The following PLEKHG3 variants were observed in gnomAD, a reference collection of about 807,000 sequenced individuals.
PLEKHG3 encodes pleckstrin homology and RhoGEF domain containing G3, also known as pleckstrin homology domain-containing family G member 3.
In PLEKHG3, 62 loss-of-function variants were observed where a neutral mutation model predicts 94.9. That is an observed-to-expected ratio of 0.65 (90% CI 0.53 to 0.81). The LOEUF is 0.81. Ranked by LOEUF, PLEKHG3 falls within the 30% of genes least tolerant of loss-of-function variation. The pLI is 0.00. For missense variants in PLEKHG3, 1,461 were observed against 1,619.3 expected (o/e 0.90, Z 1.68); for synonymous variants, 614 against 654.0 (o/e 0.94, Z 0.93).
intron 1 of PLEKHG3, among the ~76,000 whole-genome samples, chr14:64,712,184 A>G (rs144124064): frequency 7.2e-4 from 110 of 152,252 alleles, no homozygotes; most frequent in African/African-American, 2.6e-3. Flanking sequence ...TCATTGATCT[A>G]TATGTCTGCC....
chr14:64,731,717 TC>T lies in PLEKHG3; in HGVS notation c.1038del (p.Ser347ProfsTer2), dbSNP rs1566706968. 1.2e-6 allele frequency: 2 copies of T among 1,611,742 alleles called. No homozygotes were observed. ...HFVYKGNIPC[S>X]SLMLIESTRD... The stretch of plus-strand genomic sequence containing the variant: ...TGTCCTTTCCCTCTGCCCCTAGTGC[TC>T]CTCCCTGATGCTGATCGAAAGCACC... On this transcript the variant is annotated frameshift_variant, in exon 9 of 17. Transcript: ENST00000247226. LOFTEE classifies it high-confidence loss of function. This position sits in a 1 kb window ranked among gnomAD's most constrained non-coding sequence, Gnocchi z 6.1.
Position 64,743,098 on chromosome 14 carries a change from C to T in PLEKHG3, c.3055C>T (p.Pro1019Ser), listed in dbSNP as rs761109715. ...GTCACCACAGCGTTTCTTCTTCAAC[C>T]CGTCTGCTGTCAGCCAGAGGACCAC... is the stretch of plus-strand genomic sequence containing the variant. ...EMSPQRFFFN[P>S]SAVSQRTTSP... Residue 1019 changes from proline to serine, a missense_variant, in exon 17 of 17, where the codon CCG (proline) becomes TCG (serine). Physicochemically the swap from Pro to Ser is moderately conservative, Grantham distance 74 (BLOSUM62 -1). Around this residue, in one of 3 missense-constraint regions of PLEKHG3, gnomAD observed 1,201 missense variants for 1,295.5 expected, o/e 0.93. Transcript: ENST00000247226. This position sits in a 1 kb window ranked among gnomAD's most constrained non-coding sequence, Gnocchi z 7.2. The T allele has an allele frequency of 3.7e-6, 6 of 1,612,906 alleles. No homozygotes were observed. In the African/African-American group the frequency reaches 8.0e-5, roughly 22 times the overall value.
In PLEKHG3 at chr14:64,717,975, G is replaced by A. The variant is rs1296846820; in HGVS notation, c.-39-9618G>A. On this transcript the variant is annotated intron_variant, in intron 1 of 16. Coordinates refer to ENST00000247226, the MANE Select transcript of PLEKHG3 (RefSeq NM_001308147.2). This position sits in a 1 kb window ranked among gnomAD's most constrained non-coding sequence, Gnocchi z 4.7. The stretch of plus-strand genomic sequence containing the variant: ...GATTCCTTCCATCTGTCCTTGGCCT[G>A]CCTTGCAGCCTGGCCTCTTGTTGCC... 6.6e-6 allele frequency among the ~76,000 whole-genome samples: 1 copy of A among 152,214 alleles called. No individual in the cohort carries two copies. Among genetic ancestry groups the A allele is most frequent in the African/African-American group, 2.4e-5 (1 of 41,454 alleles).
rs1353357791 is a variant in PLEKHG3 at position 64,738,358 on chromosome 14, AT to A, written c.1405-383del. 2.3e-6 allele frequency: 1 copy of A among 439,954 alleles called. No individual in the cohort carries two copies. The highest frequency in any genetic ancestry group is 2.1e-5 in the African/African-American group (1 of 48,726). The allele number at this position is 439,954 out of a possible 1,614,324, so 27.3% of individuals were successfully genotyped here. On this transcript the variant is annotated intron_variant, in intron 14 of 16. Coordinates refer to ENST00000247226, the MANE Select transcript of PLEKHG3 (RefSeq NM_001308147.2). This position sits in a 1 kb window ranked among gnomAD's most constrained non-coding sequence, Gnocchi z 4.8. ...ACTCCTCCCCTCAGCACTTAACACC[AT>A]CGCTCGCTGTCACACCCTGGTGAGC...
rs534308166 is a variant in PLEKHG3 at position 64,729,026 on chromosome 14, G to A, written c.382G>A (p.Gly128Arg). The change falls in exon 3 of 17, where the codon GGG becomes AGG. Residue 128 changes from glycine (G) to arginine (R), a missense_variant. Physicochemically the swap from Gly to Arg is moderately radical, Grantham distance 125. Coordinates refer to ENST00000247226, the MANE Select transcript of PLEKHG3 (RefSeq NM_001308147.2). The stretch of plus-strand genomic sequence containing the variant: ...CCTCTTGAAGATCATTGACACACCC[G>A]GGCTGCTGAAGCCAGAACAGGTCAG... ...DYLLKIIDTPGLLKPEQVSAL... is the reference protein window; with the variant it reads ...DYLLKIIDTPRLLKPEQVSAL... 20 of 1,524,322 alleles carry A rather than the reference G, an allele frequency of 1.3e-5. 1 individual carries two copies. The Admixed American group carries it at 1.6e-4, about 12-fold the overall frequency. The allele number at this position is 1,524,322 out of a possible 1,614,324, so 94.4% of individuals were successfully genotyped here.
intron 1 of PLEKHG3, among the ~76,000 whole-genome samples, chr14:64,711,636 T>G (rs2081067794): frequency 6.6e-6 from 1 of 152,158 alleles, no homozygotes; most frequent in African/African-American, 2.4e-5. Context: ...ATGGTCTCGA[T>G]CTCCTGACCT....
rs933191342 is a variant in PLEKHG3 at position 64,742,324 on chromosome 14, G to A, written c.2807G>A (p.Arg936Gln). ...VYQLARQYSL[R>Q]IKSNKPVMAR... is the part of the protein sequence containing the mutation. ...CAGCTGGCCCGCCAGTACAGCCTCC[G>A]GATCAAGAGCAACAAGCCAGTGATG... Residue 936 changes from arginine (R) to glutamine (Q), a missense_variant, in exon 16 of 17, where the codon CGG becomes CAG. By Grantham distance (43) the Arg-to-Gln change is conservative. Around this residue, in one of 3 missense-constraint regions of PLEKHG3, gnomAD observed 1,201 missense variants for 1,295.5 expected, o/e 0.93. Coordinates refer to ENST00000247226, the MANE Select transcript of PLEKHG3 (RefSeq NM_001308147.2). The A allele has an allele frequency of 1.1e-5, 17 of 1,612,926 alleles. No individual in the cohort carries two copies. Among genetic ancestry groups the A allele is most frequent in the African/African-American group, 6.7e-5 (5 of 74,930 alleles).
At position 64,706,565 on chromosome 14, in the gene PLEKHG3, G is replaced by A. The variant is rs2080974338; in HGVS notation, c.-40+1861G>A. Among the ~76,000 whole-genome samples, 5 of 152,234 alleles carry A rather than the reference G, an allele frequency of 3.3e-5. No individual in the cohort carries two copies. The South Asian group carries it at 1.0e-3, about 32-fold the overall frequency. ...AACTAAAGGGCTCACAGTGGCTCGG[G>A]AGGGAGTCTCCCAAGGGTTTTACAA... On this transcript the variant is annotated intron_variant, in intron 1 of 16. Transcript: ENST00000247226.
chr14:64,707,898 C>A (rs904561758), intron 1 of PLEKHG3, among the ~76,000 whole-genome samples: 1 of 152,206 alleles, frequency 6.6e-6, no homozygotes, highest in African/African-American at 2.4e-5. Flanking sequence ...ATCATACTTA[C>A]CACATGCGGC....
Position 64,722,189 on chromosome 14 carries a change from TC to T in PLEKHG3, c.-39-5402del, listed in dbSNP as rs1320151519. 2.6e-5 allele frequency among the ~76,000 whole-genome samples: 4 copies of T among 152,104 alleles called. No individual in the cohort carries two copies. Among genetic ancestry groups the T allele is most frequent in the African/African-American group, 9.7e-5 (4 of 41,424 alleles). ...CACAGGAGGGCTGCGCCATCGCCGT[TC>T]CTGAGTGAGGACTTTCTTTCTTCCT... On this transcript the variant is annotated intron_variant, in intron 1 of 16. Transcript: ENST00000247226. This position sits in a 1 kb window ranked among gnomAD's most constrained non-coding sequence, Gnocchi z 4.3.
At position 64,731,895 on chromosome 14, in the gene PLEKHG3, G is replaced by A; in HGVS notation, c.1125+89G>A. ...TCCTGGCTCCTCTGCTCACCTAGCT[G>A]CCCCAAGCCCCAGTGTCTCCATCTG... is the stretch of plus-strand genomic sequence containing the variant. On this transcript the variant is annotated intron_variant, in intron 9 of 16. Transcript: ENST00000247226. This position sits in a 1 kb window ranked among gnomAD's most constrained non-coding sequence, Gnocchi z 6.1. 1.0e-6 allele frequency: 1 copy of A among 972,154 alleles called. No individual in the cohort carries two copies. The highest frequency in any genetic ancestry group is 1.6e-6 in the Non-Finnish European group (1 of 613,182). 60.2% of individuals were successfully genotyped at this position (972,154 alleles called of 1,614,324 possible).
chr14:64,732,559 A>T lies in PLEKHG3; in HGVS notation c.1246+99A>T. The T allele has an allele frequency of 3.9e-5, 40 of 1,033,420 alleles. No individual in the cohort carries two copies. Among genetic ancestry groups the T allele is most frequent in the Non-Finnish European group, 5.5e-5 (36 of 654,242 alleles). 64.0% of individuals were successfully genotyped at this position (1,033,420 alleles called of 1,614,324 possible). A position where few individuals can be genotyped will look rare whatever the true frequency, so the allele number is the denominator to read the frequency against. On this transcript the variant is annotated intron_variant, in intron 11 of 16. Coordinates refer to ENST00000247226, the MANE Select transcript of PLEKHG3 (RefSeq NM_001308147.2). The surrounding 1 kb of genome is among the most constrained non-coding windows in gnomAD (Gnocchi z 4.9). ...CTTTACCTGATAATTTTATTCCAGG[A>T]GCAGGGAGGGCGGGGGTCTCCTGTT...
At chr14:64,735,032 G>C (rs898966630) in intron 12 of PLEKHG3, among the ~76,000 whole-genome samples, 40 of 152,110 alleles carry the variant, frequency 2.6e-4, no homozygotes, top group Non-Finnish European at 5.0e-4. Context: ...AGCTGAAATA[G>C]ACATCTTTCT....
rs1566694115 is a variant in PLEKHG3 at position 64,716,494 on chromosome 14, ACAACACACACACAC to A, written c.-39-11098_-39-11085del. Among the ~76,000 whole-genome samples, 7 of 83,210 alleles carry A rather than the reference ACAACACACACACAC, an allele frequency of 8.4e-5. No homozygotes were observed. Among genetic ancestry groups the A allele is most frequent in the African/African-American group, 3.2e-4 (7 of 21,886 alleles). 54.6% of individuals were successfully genotyped at this position (83,210 alleles called of 152,430 possible). A position where few individuals can be genotyped will look rare whatever the true frequency, so the allele number is the denominator to read the frequency against. ...ACACACACACACAACACACACACAC[ACAACACACACACAC>A]ACACACACACACACACACACACACA... is the stretch of plus-strand genomic sequence containing the variant. On this transcript the variant is annotated intron_variant, in intron 1 of 16. Coordinates refer to ENST00000247226, the MANE Select transcript of PLEKHG3 (RefSeq NM_001308147.2). This position sits in a 1 kb window ranked among gnomAD's most constrained non-coding sequence, Gnocchi z 5.0.
Position 64,749,129 on chromosome 14 carries a change from G to T in PLEKHG3, c.*5426G>T. On this transcript the variant is annotated 3_prime_UTR_variant, in exon 17 of 17. Coordinates refer to ENST00000247226, the MANE Select transcript of PLEKHG3 (RefSeq NM_001308147.2). The surrounding 1 kb of genome is among the most constrained non-coding windows in gnomAD (Gnocchi z 4.7). The stretch of plus-strand genomic sequence containing the variant: ...GCGCGGGCGAGGGCATGGAGGGGGC[G>T]TCGGCCCAGGACACGCGGGCGAAGG... 1.5e-6 allele frequency: 1 copy of T among 661,796 alleles called. No homozygotes were observed. The highest frequency in any genetic ancestry group is 2.4e-6 in the Non-Finnish European group (1 of 415,230). The allele number at this position is 661,796 out of a possible 1,614,324, so 41.0% of individuals were successfully genotyped here.
Position 64,741,705 on chromosome 14 carries a change from C to A in PLEKHG3, c.2188C>A (p.His730Asn). 6.2e-7 allele frequency: 1 copy of A among 1,613,102 alleles called. No individual in the cohort carries two copies. The highest frequency in any genetic ancestry group is 1.1e-5 in the South Asian group (1 of 91,080). The change falls in exon 16 of 17, where the codon CAT (histidine) becomes AAT (asparagine). Residue 730 changes from histidine to asparagine, a missense_variant. Coordinates refer to ENST00000247226, the MANE Select transcript of PLEKHG3 (RefSeq NM_001308147.2). Reference protein sequence around the residue: ...IKSYYENAEHHDAGFSVRRRE... With the variant: ...IKSYYENAEHNDAGFSVRRRE... ...GAGCTATTATGAAAATGCAGAACACCATGATGCAGGCTTCAGCGTCCGTCG... is the reference window on the plus strand; with the variant it reads ...GAGCTATTATGAAAATGCAGAACACAATGATGCAGGCTTCAGCGTCCGTCG...
intron 1 of PLEKHG3, among the ~76,000 whole-genome samples, chr14:64,719,565 C>G (rs1193224099): frequency 2.0e-5 from 3 of 152,032 alleles, no homozygotes; most frequent in Non-Finnish European, 4.4e-5. Context: ...TGCCTGACTC[C>G]ACAGCCTGTG....
chr14:64,728,111 C>CTCGTGGAG lies in PLEKHG3; in HGVS notation c.351+129_351+130insTCGTGGAG. 2 of 636,112 alleles carry CTCGTGGAG rather than the reference C, an allele frequency of 3.1e-6. 1 individual carries two copies. 39.4% of individuals were successfully genotyped at this position (636,112 alleles called of 1,614,324 possible). ...TGGGGTCTCCCACCCTCGCTGACTG[C>CTCGTGGAG]ACTGTGAAAGCTGTTGACCCCTGAG... On this transcript the variant is annotated intron_variant, in intron 2 of 16. Coordinates refer to ENST00000247226, the MANE Select transcript of PLEKHG3 (RefSeq NM_001308147.2). This position sits in a 1 kb window ranked among gnomAD's most constrained non-coding sequence, Gnocchi z 5.9.
At position 64,716,496 on chromosome 14, in the gene PLEKHG3, A is replaced by ACAC. The variant is rs1555359440; in HGVS notation, c.-39-11097_-39-11096insCAC. Among the ~76,000 whole-genome samples, 193 of 79,542 alleles carry ACAC rather than the reference A, an allele frequency of 2.4e-3. 4 individuals are homozygous for ACAC. The highest frequency in any genetic ancestry group is 0.011 in the South Asian group (16 of 1,514). The allele number at this position is 79,542 out of a possible 152,430, so 52.2% of individuals were successfully genotyped here. A position where few individuals can be genotyped will look rare whatever the true frequency, so the allele number is the denominator to read the frequency against. On this transcript the variant is annotated intron_variant, in intron 1 of 16. Transcript: ENST00000247226. This position sits in a 1 kb window ranked among gnomAD's most constrained non-coding sequence, Gnocchi z 5.0. The stretch of plus-strand genomic sequence containing the variant: ...ACACACACACAACACACACACACAC[A>ACAC]ACACACACACACACACACACACACA...
Sources: allele counts gnomAD v4.1 joint callset (sites outside exome capture counted in the v4.1 genomes callset), GRCh38; gene constraint gnomAD v4.1.1; regional missense constraint gnomAD v4.1.1; non-coding constraint Gnocchi (gnomAD v3.1); transcripts MANE v1.5; gene names NCBI Gene and HGNC (gene_info 2026-07-23, HGNC 2026-07-21).